DUXB: variants seen among roughly 807,000 people sequenced by gnomAD.
DUXB encodes the protein double homeobox protein B.
Under a neutral mutation model 8.9 loss-of-function variants are expected in DUXB, and 22 were observed. That is an observed-to-expected ratio of 2.46 (90% CI 1.76 to 3.52). The LOEUF (loss-of-function observed/expected upper bound fraction) is 3.52. Among genes scored for constraint, DUXB ranks in the 30% most tolerant of loss-of-function variants. The probability of loss-of-function intolerance (pLI) is 0.00; values close to 1 mark genes in which losing one functional copy is unlikely to be tolerated. For synonymous variants in DUXB, 84 were observed against 37.6 expected (o/e 2.23, Z -4.52); for missense variants, 237 against 108.7 (o/e 2.18, Z -5.25).
chr16:75,700,229 A>G (rs2151834326), intron 1 of DUXB, 60 bp from the exon 2 acceptor site: 2 of 618,382 alleles, frequency 3.2e-6, no homozygotes, highest in Non-Finnish European at 5.8e-6. Flanking sequence ...TTAAATCTGT[A>G]CTTTGATTAA....
At chr16:75,695,847 G>A (rs942724558) in intron 4 of DUXB, 114 bp downstream of exon 4, 4 of 619,662 alleles carry the variant, frequency 6.5e-6, no homozygotes, top group African/African-American at 3.7e-5. Context: ...ACCATCCCCC[G>A]TTTCCGCCCT....
chr16:75,699,263 T>A (rs892973165), intron 2 of DUXB, among the ~76,000 whole-genome samples: 1 of 152,234 alleles, frequency 6.6e-6, no homozygotes, highest in East Asian at 1.9e-4. Context: ...TGAATCACAT[T>A]TGAGACATTA....
intron 2 of DUXB, chr16:75,698,488 T>C (rs1391220033): frequency 1.3e-5 from 2 of 152,264 alleles, no homozygotes; most frequent in African/African-American, 2.4e-5. Context: ...TTTTCTCTGA[T>C]AGAATTATAT....
chr16:75,697,543 G>A (rs2082618561), intron 2 of DUXB, among the ~76,000 whole-genome samples: 1 of 152,082 alleles, frequency 6.6e-6, no homozygotes, highest in African/African-American at 2.4e-5. Context: ...CTCTTTGCTT[G>A]TTTCCTCATT....
At chr16:75,696,409 G>A (rs529005971) in intron 3 of DUXB, among the ~76,000 whole-genome samples, 1 of 152,096 alleles carries the variant, frequency 6.6e-6, no homozygotes, top group Non-Finnish European at 1.5e-5. Flanking sequence ...AAAATTAGCT[G>A]GGCGTGGTTG....
Position 75,694,111 on chromosome 16 carries a change from G to C in DUXB, c.856C>G (p.His286Asp). Residue 286 changes from histidine (H) to aspartate (D), a missense_variant, in exon 5 of 5, where the codon CAC (histidine) becomes GAC (aspartate). Coordinates refer to ENST00000633875, the MANE Select transcript of DUXB (RefSeq NM_001351307.2). Reference sequence around the variant, plus strand: ...ACTCCCGAGCCAGAGTGTTCTTTGTGATTTTGGTGTTCTTCTTGGTATTGG... The same window carrying C: ...ACTCCCGAGCCAGAGTGTTCTTTGTCATTTTGGTGTTCTTCTTGGTATTGG... The part of the protein sequence containing the change: ...WLQYQEEHQN[H>D]KEHSGSGVPQ... 2.4e-6 allele frequency: 1 copy of C among 424,168 alleles called. No individual in the cohort carries two copies. The allele number at this position is 424,168 out of a possible 1,614,324, so 26.3% of individuals were successfully genotyped here.
chr16:75,698,876 C>G (rs1959196941), intron 2 of DUXB: 1 of 152,266 alleles, frequency 6.6e-6, no homozygotes. Flanking sequence ...CATGGTCTCG[C>G]TCTGTCTGCC....
chr16:75,696,744 C>T, intron 3 of DUXB, 94 bp downstream of exon 3: 1 of 617,024 alleles, frequency 1.6e-6, no homozygotes. Context: ...CACCAGGATG[C>T]CAGAACCAGC....
rs1250988822 is a variant in DUXB at position 75,696,073 on chromosome 16, G to A, written c.329C>T (p.Thr110Ile). Residue 110 changes from threonine (T) to isoleucine (I), a missense_variant, in exon 4 of 5, where the codon ACA becomes ATA. Transcript: ENST00000633875. ...CACTAGCCTGTTTTTTTGAGTCCAT[G>A]TGATGAATGTCTGTTTTTGTCGGGC... Reference protein sequence around the residue: ...KEARQKQTFITWTQKNRLVQA... With the variant: ...KEARQKQTFIIWTQKNRLVQA... 1.4e-6 allele frequency: 1 copy of A among 702,944 alleles called. No individual in the cohort carries two copies. The highest frequency in any genetic ancestry group is 1.7e-5 in the African/African-American group (1 of 57,274). 43.5% of individuals were successfully genotyped at this position (702,944 alleles called of 1,614,324 possible).
At chr16:75,697,081 C>T (rs779233915) in intron 2 of DUXB, 138 bp from the exon 3 acceptor site, 2 of 605,548 alleles carry the variant, frequency 3.3e-6, no homozygotes, top group African/African-American at 1.9e-5. Flanking sequence ...ATCCATTATC[C>T]TAGGAATGAT....
chr16:75,701,198 C>G (rs964008032), intron 1 of DUXB, among the ~76,000 whole-genome samples, 196 bp downstream of exon 1: 13 of 152,348 alleles, frequency 8.5e-5, no homozygotes, highest in African/African-American at 3.1e-4. Flanking sequence ...TGGCTGCCAT[C>G]TTACATTTCA....
chr16:75,696,772 C>A, intron 3 of DUXB, 66 bp downstream of exon 3: 1 of 667,538 alleles, frequency 1.5e-6, no homozygotes, highest in Non-Finnish European at 2.7e-6. Context: ...GGCTTCTGAG[C>A]TAAGAGATGT....
At chr16:75,695,911 G>A (rs1172578238) in intron 4 of DUXB, 50 bp downstream of exon 4, 5 of 699,792 alleles carry the variant, frequency 7.1e-6, no homozygotes, top group African/African-American at 1.8e-5. Flanking sequence ...CACCTCCAGG[G>A]GGCAGTATCA....
In DUXB at chr16:75,694,318, T is replaced by A. The variant is rs2151831543; in HGVS notation, c.649A>T (p.Thr217Ser). 1 of 622,114 alleles carries A rather than the reference T, an allele frequency of 1.6e-6. No individual in the cohort carries two copies. Among genetic ancestry groups the A allele is most frequent in the Admixed American group, 2.8e-5 (1 of 35,562 alleles). The allele number at this position is 622,114 out of a possible 1,614,324, so 38.5% of individuals were successfully genotyped here. A position where few individuals can be genotyped will look rare whatever the true frequency, so the allele number is the denominator to read the frequency against. The change falls in exon 5 of 5, where the codon ACC (threonine) becomes TCC (serine). Residue 217 changes from threonine to serine, a missense_variant. Coordinates refer to ENST00000633875, the MANE Select transcript of DUXB (RefSeq NM_001351307.2). ...HETLPPVLPS[T>S]QAPWDPFRFH... The stretch of plus-strand genomic sequence containing the variant: ...CTGAAGGGATCCCAAGGAGCCTGGG[T>A]TGAAGGAAGAACAGGTGGAAGAGTT...
chr16:75,695,918 A>T, intron 4 of DUXB, 43 bp downstream of exon 4: 2 of 701,930 alleles, frequency 2.8e-6, no homozygotes, highest in Non-Finnish European at 2.6e-6. Context: ...AGGGGGCAGT[A>T]TCACAGGCAG....
At chr16:75,698,037 C>A (rs1174942861) in intron 2 of DUXB, among the ~76,000 whole-genome samples, 2 of 152,166 alleles carry the variant, frequency 1.3e-5, no homozygotes, top group African/African-American at 4.8e-5. Flanking sequence ...AAATTGGAGA[C>A]CGCTATGCTA....
chr16:75,694,590 C>G (rs753757791), intron 4 of DUXB, 65 bp from the exon 5 acceptor site: 4 of 695,620 alleles, frequency 5.8e-6, no homozygotes, highest in Non-Finnish European at 1.0e-5. Context: ...GCATCAGATA[C>G]TCTATAAAAC....
intron 2 of DUXB, among the ~76,000 whole-genome samples, chr16:75,697,838 T>G (rs758841858): frequency 5.9e-5 from 9 of 152,144 alleles, no homozygotes; most frequent in Non-Finnish European, 8.8e-5. Flanking sequence ...TGTTAGATTG[T>G]CATAGGAGCA....
chr16:75,694,643 T>G (rs2082591192), intron 4 of DUXB, 118 bp from the exon 5 acceptor site: 1 of 634,276 alleles, frequency 1.6e-6, no homozygotes, highest in African/African-American at 1.8e-5. Context: ...GGTGATTTTA[T>G]AGAGTTGGCT....
Sources: gnomAD v4.1 joint callset for allele counts (sites outside exome capture counted in the v4.1 genomes callset) on GRCh38, gnomAD v4.1.1 for gene constraint, MANE v1.5 for transcripts, NCBI Gene and HGNC (gene_info 2026-07-23, HGNC 2026-07-21) for gene names.